Variants in TAF15 observed in about 807,000 individuals in gnomAD.
The protein encoded by TAF15 is TATA-binding protein-associated factor 2N.
Under a neutral mutation model 102.5 loss-of-function variants are expected in TAF15, and 37 were observed. The ratio of observed to expected loss-of-function variants is 0.36; its 90% CI spans 0.28 to 0.47. The LOEUF is 0.47. Ranked by LOEUF, TAF15 falls within the 20% of genes least tolerant of loss-of-function variation. The pLI is 0.99. For missense variants in TAF15, 652 were observed against 760.7 expected, an observed-to-expected ratio of 0.86 and a Z score of 1.68; for synonymous variants, 273 against 259.2, an observed-to-expected ratio of 1.05 and a Z score of -0.51.
chr17:35,823,267 A>G (rs899055830), intron 6 of TAF15, among the ~76,000 whole-genome samples: 1 of 152,212 alleles, frequency 6.6e-6, no homozygotes, highest in Non-Finnish European at 1.5e-5. Context: ...GTGCTTGTTG[A>G]ATAATTGAAT....
At chr17:35,846,192 G>C (rs1049475433) in intron 15 of TAF15, among the ~76,000 whole-genome samples, 2 of 152,210 alleles carry the variant, frequency 1.3e-5, no homozygotes, top group Non-Finnish European at 2.9e-5. Context: ...GACTGTCTGG[G>C]TTTCAATCCT....
At position 35,842,471 on chromosome 17, in the gene TAF15, G is replaced by C. The variant is rs1271900077; in HGVS notation, c.1006+12G>C. 3.7e-6 allele frequency: 6 copies of C among 1,600,550 alleles called. No individual in the cohort carries two copies. The highest frequency in any genetic ancestry group is 5.1e-6 in the Non-Finnish European group (6 of 1,167,844). Reference sequence around the variant, plus strand: ...AGGTGGGCGGCGAGGTAAGATCCTTGCTGCGTACAGTCCTGGATACTATCC... The same window carrying C: ...AGGTGGGCGGCGAGGTAAGATCCTTCCTGCGTACAGTCCTGGATACTATCC... On this transcript the variant is annotated intron_variant, in intron 12 of 15. Transcript: ENST00000605844.
chr17:35,847,191 A>C lies in TAF15; in HGVS notation c.*246A>C, dbSNP rs2087634262. The C allele has an allele frequency of 1.6e-6, 1 of 608,176 alleles. No homozygotes were observed. Among genetic ancestry groups the C allele is most frequent in the Admixed American group, 2.9e-5 (1 of 34,134 alleles). The allele number at this position is 608,176 out of a possible 1,614,324, so 37.7% of individuals were successfully genotyped here. A position where few individuals can be genotyped will look rare whatever the true frequency, so the allele number is the denominator to read the frequency against. ...CGTTGTAAAATATTGCCAAAATGAA[A>C]AGTGTTTTGTAATACTGCAATAAAG... On this transcript the variant is annotated 3_prime_UTR_variant, in exon 16 of 16. Coordinates refer to ENST00000605844, the MANE Select transcript of TAF15 (RefSeq NM_139215.3).
chr17:35,819,889 AG>A, intron 2 of TAF15, 134 bp from the exon 3 acceptor site: 1 of 782,682 alleles, frequency 1.3e-6, no homozygotes, highest in Non-Finnish European at 2.2e-6. Context: ...TTTAGACTCT[AG>A]AGACAGGGAG....
At position 35,834,599 on chromosome 17, in the gene TAF15, G is replaced by T. The variant is rs2087447713; in HGVS notation, c.673+1G>T. The T allele has an allele frequency of 6.2e-7, 1 of 1,612,434 alleles. No homozygotes were observed. The highest frequency in any genetic ancestry group is 8.5e-7 in the Non-Finnish European group (1 of 1,179,510). On this transcript the variant is annotated splice_donor_variant, in intron 9 of 15. Transcript: ENST00000605844. LOFTEE classifies it high-confidence loss of function. The stretch of plus-strand genomic sequence containing the variant: ...GATTATGGACCCAGAACAGATGCTG[G>T]TAAGGTTTATGGTGGTTTGTCACTT...
intron 11 of TAF15, among the ~76,000 whole-genome samples, chr17:35,841,503 T>G (rs1449331863): frequency 6.6e-6 from 1 of 151,952 alleles, no homozygotes; most frequent in African/African-American, 2.4e-5. Context: ...CTTGCTGGGC[T>G]TAGGTGATCC....
chr17:35,812,335 G>A (rs1228586887), intron 1 of TAF15, among the ~76,000 whole-genome samples: 7 of 152,062 alleles, frequency 4.6e-5, no homozygotes, highest in Non-Finnish European at 8.8e-5. Context: ...GGTGGCTCAC[G>A]TCTGTAATCC....
rs2087243821 is a variant in TAF15 at position 35,820,322 on chromosome 17, T to C, written c.185-10T>C. The C allele has an allele frequency of 1.2e-6, 2 of 1,613,852 alleles. No homozygotes were observed. The highest frequency in any genetic ancestry group is 2.7e-5 in the African/African-American group (2 of 74,932). ...GCCTTCACTAAATGATATACTCATC[T>C]AATCTTTAGGTTATTCACAGTCCTA... is the stretch of plus-strand genomic sequence containing the variant. On this transcript the variant is annotated splice_polypyrimidine_tract_variant and intron_variant, in intron 4 of 15. Coordinates refer to ENST00000605844, the MANE Select transcript of TAF15 (RefSeq NM_139215.3).
intron 12 of TAF15, among the ~76,000 whole-genome samples, chr17:35,842,764 A>T (rs993214682): frequency 4.6e-5 from 7 of 151,404 alleles, no homozygotes; most frequent in Admixed American, 4.0e-4. Context: ...ATGGTGTCTC[A>T]CTCTGTTGCT....
chr17:35,811,462 A>G (rs1308600711), intron 1 of TAF15: 2 of 152,236 alleles, frequency 1.3e-5, no homozygotes, highest in African/African-American at 4.8e-5. Context: ...TTATATTCTT[A>G]GGCTTGGTAT....
chr17:35,817,626 C>A, intron 1 of TAF15, 90 bp from the exon 2 acceptor site: 3 of 1,147,336 alleles, frequency 2.6e-6, no homozygotes, highest in Non-Finnish European at 3.9e-6. Context: ...TTTACATTTT[C>A]TTACCACATT....
intron 15 of TAF15, 27 bp from the exon 16 acceptor site, chr17:35,846,879 G>A (rs2143841801): frequency 6.2e-7 from 1 of 1,614,014 alleles, no homozygotes; most frequent in Non-Finnish European, 8.5e-7. Context: ...TTAGAATTTA[G>A]TCCGGCTCTT....
intron 2 of TAF15, among the ~76,000 whole-genome samples, chr17:35,818,218 C>T (rs1432143987): frequency 6.6e-6 from 1 of 152,150 alleles, no homozygotes; most frequent in African/African-American, 2.4e-5. Flanking sequence ...GCCTCAGCCT[C>T]CCGAGTAGCT....
chr17:35,846,827 A>G (rs2087628537), intron 15 of TAF15, 79 bp from the exon 16 acceptor site: 1 of 1,463,286 alleles, frequency 6.8e-7, no homozygotes, highest in Admixed American at 1.7e-5. Context: ...GCCAATCACT[A>G]GTACCCTGAA....
At chr17:35,819,110 T>G (rs1049786680) in intron 2 of TAF15, among the ~76,000 whole-genome samples, 2 of 152,230 alleles carry the variant, frequency 1.3e-5, no homozygotes, top group African/African-American at 4.8e-5. Flanking sequence ...AGATATCTTG[T>G]CAAATTTTAA....
At chr17:35,825,803 C>T (rs1041031279) in intron 7 of TAF15, among the ~76,000 whole-genome samples, 23 of 151,996 alleles carry the variant, frequency 1.5e-4, no homozygotes, top group African/African-American at 5.3e-4. Context: ...AAAAAATTAG[C>T]CAGACGTGGT....
Position 35,824,082 on chromosome 17 carries a change from C to T in TAF15, c.489C>T (p.Asp163=). 1 of 1,613,872 alleles carries T rather than the reference C, an allele frequency of 6.2e-7. No individual in the cohort carries two copies. Among genetic ancestry groups the T allele is most frequent in the Non-Finnish European group, 8.5e-7 (1 of 1,180,000 alleles). Reference sequence around the variant, plus strand: ...GTAATATTTTCTTTTTTGTAGATGACCGTCGTGATGTGAGTAGGTATGGAG... The same window carrying T: ...GTAATATTTTCTTTTTTGTAGATGATCGTCGTGATGTGAGTAGGTATGGAG... ...RENYSHHTQD[D]RRDVSRYGED... The change falls in exon 7 of 16, where the codon GAC becomes GAT. Residue 163 remains aspartate, a synonymous_variant. Transcript: ENST00000605844.
intron 1 of TAF15, chr17:35,816,640 ATC>A (rs1336548216): frequency 1.3e-5 from 2 of 148,738 alleles, no homozygotes; most frequent in Non-Finnish European, 3.0e-5. Context: ...GTTTCATAAA[ATC>A]TGCTCTTATG....
At chr17:35,822,344 CAAAA>C (rs909362495) in intron 5 of TAF15, among the ~76,000 whole-genome samples, 3 of 67,484 alleles carry the variant, frequency 4.4e-5, no homozygotes. Flanking sequence ...ACCTCTGTCT[CAAAA>C]AAAAAAAAAA....
Sources: gnomAD v4.1 joint callset for allele counts (sites outside exome capture counted in the v4.1 genomes callset) on GRCh38, gnomAD v4.1.1 for gene constraint, MANE v1.5 for transcripts, NCBI Gene and HGNC (gene_info 2026-07-23, HGNC 2026-07-21) for gene names.